The following MACF1 variants were observed in gnomAD, a reference collection of about 807,000 sequenced individuals.
The protein encoded by MACF1 is microtubule actin crosslinking factor 1.
Under a neutral mutation model 854.8 loss-of-function variants are expected in MACF1, and 193 were observed. The ratio of observed to expected loss-of-function variants is 0.23; its 90% confidence interval spans 0.20 to 0.25. The LOEUF (loss-of-function observed/expected upper bound fraction) is 0.25. Ranked by LOEUF, MACF1 falls within the 10% of genes least tolerant of loss-of-function variation. MACF1 has a pLI of 1.00. For missense variants in MACF1, 7,722 were observed against 8,929.1 expected, an observed-to-expected ratio of 0.86 and a Z score of 5.45; for synonymous variants, 3,185 against 3,226.7, an observed-to-expected ratio of 0.99 and a Z score of 0.44.
At chr1:39,167,056 G>A (rs1643889717) in intron 2 of MACF1, among the ~76,000 whole-genome samples, 1 of 151,848 alleles carries the variant, frequency 6.6e-6, no homozygotes, top group Admixed American at 6.6e-5. Context: ...CCGTGTCCTG[G>A]GCTCAAGTGA....
In MACF1 at chr1:39,084,236, A is replaced by G; in HGVS notation, c.18A>G (p.Glu6=). The change falls in exon 2 of 94, where the codon GAA becomes GAG. Residue 6 remains glutamate (E), a synonymous_variant. Coordinates refer to the MACF1 transcript ENST00000361689. This position sits in a 1 kb window ranked among gnomAD's most constrained non-coding sequence, Gnocchi z 5.2. ...CCTGGGCCATGTCTTCCTCAGATGA[A>G]GAGACGCTCAGTGAGCGGTCATGTC... 6.2e-7 allele frequency: 1 copy of G among 1,611,938 alleles called. No individual in the cohort carries two copies. The highest frequency in any genetic ancestry group is 8.5e-7 in the Non-Finnish European group (1 of 1,179,426).
chr1:39,113,039 C>A (rs150173474), intron 2 of MACF1, among the ~76,000 whole-genome samples: 75 of 152,208 alleles, frequency 4.9e-4, no homozygotes, highest in African/African-American at 1.8e-3. Context: ...AATTACAATG[C>A]GGCTTCCCAG....
intron 15 of MACF1, among the ~76,000 whole-genome samples, chr1:39,289,693 CTTTTTTTTTTTTTT>C (rs58188740): frequency 2.2e-3 from 64 of 28,968 alleles, no homozygotes; most frequent in Non-Finnish European, 2.1e-3. Context: ...GTGGGTTGTC[CTTTTTTTTTTTTTT>C]TTTTTTTTTT....
chr1:39,190,453 G>C lies in MACF1; in HGVS notation c.221-40729G>C, dbSNP rs1464666627. 4.7e-5 allele frequency among the ~76,000 whole-genome samples: 6 copies of C among 127,294 alleles called. No homozygotes were observed. The Admixed American group carries it at 5.4e-4, about 12-fold the overall frequency. 83.5% of individuals were successfully genotyped at this position (127,294 alleles called of 152,430 possible). ...CTTGCTTTGTCACCCAGGTTGAAGTGTAGTGGCGTGAGTAGCTGGGACTAC... is the reference window on the plus strand; with the variant it reads ...CTTGCTTTGTCACCCAGGTTGAAGTCTAGTGGCGTGAGTAGCTGGGACTAC... On this transcript the variant is annotated intron_variant, in intron 2 of 93. Transcript: ENST00000361689.
intron 2 of MACF1, among the ~76,000 whole-genome samples, chr1:39,109,252 T>A (rs892790960): frequency 6.6e-5 from 10 of 152,144 alleles, no homozygotes; most frequent in African/African-American, 2.4e-4. Flanking sequence ...ATATTTGTCC[T>A]TTAATGTTCC....
intron 58 of MACF1, chr1:39,414,396 A>G (rs1268877330): frequency 6.2e-7 from 1 of 1,613,998 alleles, no homozygotes; most frequent in Non-Finnish European, 8.5e-7. Context: ...ATTCCCTAGT[A>G]TTTGGCATAA....
chr1:39,431,433 A>T (rs1643874245), intron 66 of MACF1, among the ~76,000 whole-genome samples: 2 of 152,170 alleles, frequency 1.3e-5, no homozygotes, highest in African/African-American at 4.8e-5. Context: ...GTAGCTGGAT[A>T]CACACCTCTT....
chr1:39,134,272 T>C (rs1338327653), intron 2 of MACF1, among the ~76,000 whole-genome samples: 1 of 151,634 alleles, frequency 6.6e-6, no homozygotes, highest in East Asian at 1.9e-4. Context: ...GGTTTCGATC[T>C]CCTGACCTCG....
chr1:39,134,701 G>A (rs1453584490), intron 2 of MACF1, among the ~76,000 whole-genome samples: 1 of 152,152 alleles, frequency 6.6e-6, no homozygotes, highest in African/African-American at 2.4e-5. Flanking sequence ...AAACACATTG[G>A]TTGGCACATA....
intron 23 of MACF1, among the ~76,000 whole-genome samples, chr1:39,307,127 G>A (rs1479725687): frequency 1.3e-5 from 2 of 151,772 alleles, no homozygotes; most frequent in Admixed American, 6.6e-5. Flanking sequence ...TGCCCGCCTC[G>A]GCCTTCCAAA....
At chr1:39,456,573 G>A (rs530355460) in intron 89 of MACF1, 4 of 152,330 alleles carry the variant, frequency 2.6e-5, no homozygotes, top group African/African-American at 7.2e-5. Flanking sequence ...AAGTCGAGGA[G>A]CACCTGTCCT....
At chr1:39,085,259 A>T (rs1232613755) in intron 2 of MACF1, among the ~76,000 whole-genome samples, 1 of 152,208 alleles carries the variant, frequency 6.6e-6, no homozygotes, top group East Asian at 1.9e-4. Context: ...AATGTGTGGA[A>T]AGCCCTTAGC....
intron 2 of MACF1, among the ~76,000 whole-genome samples, chr1:39,100,697 T>TA (rs1642047786): frequency 6.6e-6 from 1 of 150,764 alleles, no homozygotes; most frequent in Admixed American, 6.6e-5. Flanking sequence ...CTACGAAAAA[T>TA]ACAAAAATTA....
Position 39,334,834 on chromosome 1 carries a change from G to A in MACF1, c.8246G>A (p.Arg2749Lys). 6.2e-7 allele frequency: 1 copy of A among 1,614,148 alleles called. No individual in the cohort carries two copies. The highest frequency in any genetic ancestry group is 1.1e-5 in the South Asian group (1 of 91,080). The part of the protein sequence containing the change: ...RVTLVEAIEK[R>K]LISPELANMI... ...ACTTTAGTAGAAGCTATTGAGAAAAGACTGATCAGCCCTGAACTGGCAAAT... is the reference window on the plus strand; with the variant it reads ...ACTTTAGTAGAAGCTATTGAGAAAAAACTGATCAGCCCTGAACTGGCAAAT... Residue 2749 changes from arginine (R) to lysine (K), a missense_variant, in exon 37 of 101, where the codon AGA (arginine) becomes AAA (lysine). Arg to Lys is a conservative substitution (Grantham distance 26, BLOSUM62 2). Coordinates refer to ENST00000564288, the MANE Select transcript of MACF1 (RefSeq NM_001394062.1).
At chr1:39,304,339 A>G (rs1215130232) in intron 23 of MACF1, 1 of 776,386 alleles carries the variant, frequency 1.3e-6, no homozygotes, top group Non-Finnish European at 2.2e-6. Flanking sequence ...TAAATAGGAA[A>G]TAATCCTTGT....
chr1:39,124,929 T>G (rs1642820242), intron 2 of MACF1, among the ~76,000 whole-genome samples: 1 of 152,218 alleles, frequency 6.6e-6, no homozygotes, highest in South Asian at 2.1e-4. Context: ...GCATCTGTGC[T>G]CTATTTTCAT....
chr1:39,173,659 C>G (rs1322491138), intron 2 of MACF1, among the ~76,000 whole-genome samples: 1 of 152,160 alleles, frequency 6.6e-6, no homozygotes, highest in Non-Finnish European at 1.5e-5. Flanking sequence ...TCTGTTATTT[C>G]TCTCTCCAGA....
chr1:39,323,916 T>C (rs545513181), intron 33 of MACF1, among the ~76,000 whole-genome samples: 8 of 152,326 alleles, frequency 5.3e-5, no homozygotes, highest in African/African-American at 1.7e-4. Context: ...GAGATTTTTT[T>C]AAAAAGCATC....
chr1:39,417,558 T>C (rs977682449), intron 58 of MACF1, among the ~76,000 whole-genome samples: 10 of 151,564 alleles, frequency 6.6e-5, no homozygotes, highest in Non-Finnish European at 2.9e-5. Flanking sequence ...GTTTTTGTTT[T>C]TTTTTTTAGA....
Sources: gnomAD v4.1 joint callset for allele counts (sites outside exome capture counted in the v4.1 genomes callset) on GRCh38, gnomAD v4.1.1 for gene constraint, Gnocchi (gnomAD v3.1) non-coding constraint, MANE v1.5 for transcripts, NCBI Gene and HGNC (gene_info 2026-07-23, HGNC 2026-07-21) for gene names.